Variants in CPSF6 observed in about 807,000 individuals in gnomAD.
CPSF6 encodes the protein cleavage and polyadenylation specific factor 6, also known as cleavage and polyadenylation specificity factor subunit 6.
A neutral mutation model predicts 56.7 loss-of-function variants in CPSF6; 10 were observed. The observed-to-expected ratio is 0.18, with a 90% CI of 0.11 to 0.30. The LOEUF (loss-of-function observed/expected upper bound fraction) is 0.30, where lower values mean the gene tolerates loss of function less well. Ranked by LOEUF, CPSF6 falls within the 10% of genes least tolerant of loss-of-function variation. The pLI is 1.00. For synonymous variants in CPSF6, 248 were observed against 244.8 expected, an observed-to-expected ratio of 1.01 and a Z score of -0.12; for missense variants, 419 against 722.9, an observed-to-expected ratio of 0.58 and a Z score of 4.82.
chr12:69,249,519 T>C (rs1872122355), intron 1 of CPSF6, among the ~76,000 whole-genome samples: 1 of 152,174 alleles, frequency 6.6e-6, no homozygotes, highest in Non-Finnish European at 1.5e-5. Flanking sequence ...TAAATTGTAT[T>C]AATGGGAGAA....
Position 69,273,013 on chromosome 12 carries a change from T to C in CPSF6, c.*3505T>C, listed in dbSNP as rs973787837. ...TCAATAAATATTCAACCAAAAATTA[T>C]AAATTTATTAAGATGTGGCCTTACA... On this transcript the variant is annotated 3_prime_UTR_variant, in exon 10 of 10. Transcript: ENST00000435070. The C allele has an allele frequency of 8.2e-6, 2 of 244,706 alleles. No individual in the cohort carries two copies. Among genetic ancestry groups the C allele is most frequent in the African/African-American group, 2.3e-5 (1 of 43,478 alleles). 15.2% of individuals were successfully genotyped at this position (244,706 alleles called of 1,614,324 possible).
chr12:69,257,809 G>T lies in CPSF6; in HGVS notation c.598G>T (p.Gly200Cys). The T allele has an allele frequency of 6.2e-7, 1 of 1,613,640 alleles. No homozygotes were observed. Among genetic ancestry groups the T allele is most frequent in the Admixed American group, 1.7e-5 (1 of 59,800 alleles). Residue 200 changes from glycine to cysteine, a missense_variant, in exon 5 of 10, where the codon GGT becomes TGT. This residue lies in a region of CPSF6 where 211 missense variants were observed against 296.0 expected (regional missense o/e 0.71). Transcript: ENST00000435070. Reference protein sequence around the residue: ...GGSSRAAFPQGGRGRGRFPGA... With the variant: ...GGSSRAAFPQCGRGRGRFPGA... ...CAGTTCCCGTGCAGCATTTCCACAA[G>T]GTGGTAGAGGACGGGGCCGTTTTCC...
At chr12:69,267,810 TCAAA>T (rs746457168) in intron 9 of CPSF6, among the ~76,000 whole-genome samples, 2 of 151,862 alleles carry the variant, frequency 1.3e-5, no homozygotes, top group African/African-American at 4.8e-5. Context: ...TAAAGTATAA[TCAAA>T]CAAAAGAGTG....
intron 1 of CPSF6, among the ~76,000 whole-genome samples, chr12:69,243,023 C>T (rs1262374953): frequency 6.6e-6 from 1 of 152,040 alleles, no homozygotes; most frequent in Non-Finnish European, 1.5e-5. Context: ...AGGAGAATCG[C>T]TTGAACCTGG....
intron 1 of CPSF6, among the ~76,000 whole-genome samples, chr12:69,242,466 A>G (rs1257534773): frequency 6.6e-6 from 1 of 152,252 alleles, no homozygotes. Context: ...TTGGGGATAG[A>G]TTGAGAATAA....
intron 6 of CPSF6, 128 bp from the exon 7 acceptor site, chr12:69,259,300 A>G (rs774439548): frequency 7.6e-6 from 10 of 1,314,774 alleles, no homozygotes; most frequent in East Asian, 2.5e-5. Context: ...GCATGCTTCA[A>G]TATGGAAAAG....
intron 1 of CPSF6, among the ~76,000 whole-genome samples, chr12:69,240,712 T>TA (rs1407587864): frequency 6.9e-6 from 1 of 145,032 alleles, no homozygotes; most frequent in Non-Finnish European, 1.5e-5. Context: ...GGCCCCGTGT[T>TA]ACCTTTTGAA....
intron 8 of CPSF6, among the ~76,000 whole-genome samples, chr12:69,261,112 TTCTTAGATATG>T (rs1872724389): frequency 6.6e-6 from 1 of 152,216 alleles, no homozygotes; most frequent in South Asian, 2.1e-4. Flanking sequence ...TCACTTGGTA[TTCTTAGATATG>T]TCTTTAGTGT....
intron 9 of CPSF6, among the ~76,000 whole-genome samples, chr12:69,265,897 C>T (rs557883744): frequency 1.3e-5 from 2 of 151,736 alleles, no homozygotes; most frequent in South Asian, 2.1e-4. Context: ...TGAGCCACCG[C>T]GCCCAGTCTA....
intron 9 of CPSF6, among the ~76,000 whole-genome samples, chr12:69,264,070 G>C (rs1289974778): frequency 3.9e-5 from 6 of 152,008 alleles, no homozygotes; most frequent in African/African-American, 1.4e-4. Flanking sequence ...AAATTTTAAA[G>C]ATGTAGCACT....
At chr12:69,241,628 C>T (rs1433946664) in intron 1 of CPSF6, among the ~76,000 whole-genome samples, 2 of 152,130 alleles carry the variant, frequency 1.3e-5, no homozygotes, top group Non-Finnish European at 2.9e-5. Context: ...GGATTCTTAT[C>T]CCTGTGCAGT....
Position 69,251,357 on chromosome 12 carries a change from A to C in CPSF6, c.270+19A>C, listed in dbSNP as rs1435930282. On this transcript the variant is annotated intron_variant, in intron 2 of 9. Coordinates refer to ENST00000435070, the MANE Select transcript of CPSF6 (RefSeq NM_007007.3). ...AACATGGGTAAGTGAAGTTAATATA[A>C]GAATTAAATTATTGGTAATTGATTT... 7 of 1,413,190 alleles carry C rather than the reference A, an allele frequency of 5.0e-6. No individual in the cohort carries two copies. Among genetic ancestry groups the C allele is most frequent in the Non-Finnish European group, 6.0e-6 (6 of 1,007,524 alleles). 87.5% of individuals were successfully genotyped at this position (1,413,190 alleles called of 1,614,324 possible).
intron 3 of CPSF6, 72 bp from the exon 4 acceptor site, chr12:69,256,625 T>G: frequency 1.4e-6 from 2 of 1,450,640 alleles, no homozygotes; most frequent in Non-Finnish European, 1.9e-6. Flanking sequence ...TTAAGACCTT[T>G]TTACAGAAGA....
Position 69,260,075 on chromosome 12 carries a change from A to G in CPSF6, c.1347A>G (p.Val449=), listed in dbSNP as rs1047501758. Reference sequence around the variant, plus strand: ...ATGGGAGTGCTATTGAGACACTGGTAACTGCAATTTCTTTAATTAAACAAT... The same window carrying G: ...ATGGGAGTGCTATTGAGACACTGGTGACTGCAATTTCTTTAATTAAACAAT... ...GDYGSAIETL[V]TAISLIKQSK... The change falls in exon 8 of 10, where the codon GTA becomes GTG. Residue 449 remains valine, a synonymous_variant. Coordinates refer to ENST00000435070, the MANE Select transcript of CPSF6 (RefSeq NM_007007.3). 4.3e-6 allele frequency: 7 copies of G among 1,613,240 alleles called. No individual in the cohort carries two copies. The highest frequency in any genetic ancestry group is 1.6e-4 in the Middle Eastern group (1 of 6,078).
rs200055894 is a variant in CPSF6 at position 69,258,789 on chromosome 12, T to C, written c.894T>C (p.Pro298=). 1.2e-4 allele frequency: 192 copies of C among 1,613,802 alleles called. No individual in the cohort carries two copies. The highest frequency in any genetic ancestry group is 1.4e-4 in the Non-Finnish European group (169 of 1,179,914). The change falls in exon 6 of 10, where the codon CCT becomes CCC. Residue 298 remains proline, a synonymous_variant. Coordinates refer to ENST00000435070, the MANE Select transcript of CPSF6 (RefSeq NM_007007.3). The surrounding 1 kb of genome is among the most constrained non-coding windows in gnomAD (Gnocchi z 4.2). ...PLGPLPPGPP[P]PVPGYGPPPG... ...GTCCACTTCCTCCTGGCCCTCCACC[T>C]CCAGTTCCAGGCTACGGCCCCCCTC...
At chr12:69,265,214 A>C (rs1295622256) in intron 9 of CPSF6, among the ~76,000 whole-genome samples, 1 of 152,194 alleles carries the variant, frequency 6.6e-6, no homozygotes, top group Non-Finnish European at 1.5e-5. Flanking sequence ...CCAATATTGT[A>C]AATTTCAGTA....
chr12:69,240,278 C>T (rs940343267), intron 1 of CPSF6, among the ~76,000 whole-genome samples: 4 of 152,146 alleles, frequency 2.6e-5, no homozygotes, highest in African/African-American at 9.7e-5. Flanking sequence ...GTCCCCGGGG[C>T]TCTCCTTCTC....
chr12:69,246,010 C>G (rs1871884977), intron 1 of CPSF6, among the ~76,000 whole-genome samples: 1 of 152,158 alleles, frequency 6.6e-6, no homozygotes, highest in Non-Finnish European at 1.5e-5. Flanking sequence ...TTGCTTGAAC[C>G]TGGGGGGCAG....
chr12:69,240,785 G>T (rs561061408), intron 1 of CPSF6, among the ~76,000 whole-genome samples: 10 of 151,846 alleles, frequency 6.6e-5, no homozygotes, highest in Non-Finnish European at 1.2e-4. Flanking sequence ...GTAACGCGGG[G>T]CTGTGATGTC....
Sources: gnomAD v4.1 joint callset for allele counts (sites outside exome capture counted in the v4.1 genomes callset) on GRCh38, gnomAD v4.1.1 for gene constraint, gnomAD v4.1.1 regional missense constraint, Gnocchi (gnomAD v3.1) non-coding constraint, MANE v1.5 for transcripts, NCBI Gene and HGNC (gene_info 2026-07-23, HGNC 2026-07-21) for gene names.